The following RBM18 variants were observed in gnomAD, a reference collection of about 807,000 sequenced individuals.
RBM18 encodes the protein probable RNA-binding protein 18.
RBM18 carries 18 observed loss-of-function variants against 26.4 expected under a neutral mutation model. That is an observed-to-expected ratio of 0.68 (90% CI 0.47 to 1.01). The LOEUF (loss-of-function observed/expected upper bound fraction) is 1.01, where lower values mean the gene tolerates loss of function less well. Among genes scored for constraint, RBM18 ranks in the 50% least tolerant of loss-of-function variants. The pLI, the probability that RBM18 is intolerant of heterozygous loss-of-function variation, is 0.00. For synonymous variants in RBM18, 74 were observed against 81.1 expected, an observed-to-expected ratio of 0.91 and a Z score of 0.47; for missense variants, 180 against 219.2, an observed-to-expected ratio of 0.82 and a Z score of 1.13.
chr9:122,244,423 G>A (rs896704973), intron 5 of RBM18, among the ~76,000 whole-genome samples: 3 of 152,122 alleles, frequency 2.0e-5, no homozygotes, highest in Non-Finnish European at 4.4e-5. Context: ...CCCCTGCCCC[G>A]GAACAGGTTT....
At chr9:122,249,533 AC>A (rs1158969508) in intron 3 of RBM18, among the ~76,000 whole-genome samples, 1 of 151,046 alleles carries the variant, frequency 6.6e-6, no homozygotes, top group Non-Finnish European at 1.5e-5. Context: ...AACATGGCGA[AC>A]CCCCGCTTCT....
intron 3 of RBM18, among the ~76,000 whole-genome samples, chr9:122,250,725 G>A (rs1363212305): frequency 6.6e-6 from 1 of 152,046 alleles, no homozygotes; most frequent in Non-Finnish European, 1.5e-5. Flanking sequence ...ACTGTGTAAC[G>A]TGTTTATGTG....
intron 5 of RBM18, among the ~76,000 whole-genome samples, chr9:122,243,108 G>A (rs750872762): frequency 2.0e-5 from 3 of 152,036 alleles, no homozygotes; most frequent in Non-Finnish European, 2.9e-5. Flanking sequence ...GATTACAGGC[G>A]TGAGCTACCG....
intron 2 of RBM18, among the ~76,000 whole-genome samples, chr9:122,256,757 C>T (rs1179645148): frequency 6.6e-6 from 1 of 152,224 alleles, no homozygotes; most frequent in Non-Finnish European, 1.5e-5. Flanking sequence ...CTTCACTCTT[C>T]ATTTCCTATA....
intron 2 of RBM18, among the ~76,000 whole-genome samples, chr9:122,256,845 G>C (rs1392310395): frequency 6.6e-6 from 1 of 152,158 alleles, no homozygotes; most frequent in East Asian, 1.9e-4. Context: ...ATGCAGTCTA[G>C]AGCTAGAAGT....
chr9:122,260,213 G>A (rs1831766467), intron 2 of RBM18, among the ~76,000 whole-genome samples: 1 of 152,080 alleles, frequency 6.6e-6, no homozygotes, highest in African/African-American at 2.4e-5. Flanking sequence ...CAGCATGGTG[G>A]CGCATGCCTG....
Position 122,237,940 on chromosome 9 carries a change from CTTTT to C in RBM18, c.*3940_*3943del, listed in dbSNP as rs1226802442. On this transcript the variant is annotated 3_prime_UTR_variant, in exon 6 of 6. Transcript: ENST00000417201. ...CAATATAGTATATATATTTTGTTTA[CTTTT>C]TTTCTCAACCACTCGAAAATGAAAA... is the stretch of plus-strand genomic sequence containing the variant. 6.6e-6 allele frequency: 1 copy of C among 151,824 alleles called. No individual in the cohort carries two copies. Among genetic ancestry groups the C allele is most frequent in the African/African-American group, 2.4e-5 (1 of 41,270 alleles). The allele number at this position is 151,824 out of a possible 1,614,324, so 9.4% of individuals were successfully genotyped here.
At chr9:122,262,886 A>G (rs573872147) in intron 1 of RBM18, among the ~76,000 whole-genome samples, 17 of 152,308 alleles carry the variant, frequency 1.1e-4, no homozygotes, top group African/African-American at 3.6e-4. Context: ...TGCCCAGCAC[A>G]AACTGTGGCA....
chr9:122,261,764 T>C (rs956682615), intron 1 of RBM18, among the ~76,000 whole-genome samples: 8 of 152,250 alleles, frequency 5.3e-5, no homozygotes, highest in Admixed American at 3.9e-4. Flanking sequence ...TTTCCTCCTC[T>C]GAAGCCAGAG....
At chr9:122,250,307 A>G (rs1831579819) in intron 3 of RBM18, among the ~76,000 whole-genome samples, 1 of 152,192 alleles carries the variant, frequency 6.6e-6, no homozygotes, top group African/African-American at 2.4e-5. Flanking sequence ...AAAACTATGC[A>G]TGGACTTTGA....
chr9:122,250,737 G>A (rs1831587753), intron 3 of RBM18, among the ~76,000 whole-genome samples: 1 of 152,154 alleles, frequency 6.6e-6, no homozygotes, highest in South Asian at 2.1e-4. Flanking sequence ...GTTTATGTGT[G>A]TGTGAATGTG....
rs1213133158 is a variant in RBM18, at chr9:122,245,176, A to G, written c.413+80T>C. 10 of 827,942 alleles carry G rather than the reference A, an allele frequency of 1.2e-5. No homozygotes were observed. The East Asian group carries it at 2.5e-4, about 20-fold the overall frequency. The allele number at this position is 827,942 out of a possible 1,614,324, so 51.3% of individuals were successfully genotyped here. On this transcript the variant is annotated intron_variant, in intron 5 of 5. Coordinates refer to ENST00000417201, the MANE Select transcript of RBM18 (RefSeq NM_033117.4). ...AATTCTAAGAGTCTGAAGACTCACT[A>G]TTTTATGAACGAAGACATGGAATAA...
At chr9:122,246,422 T>C (rs1831506414) in intron 4 of RBM18, among the ~76,000 whole-genome samples, 1 of 152,218 alleles carries the variant, frequency 6.6e-6, no homozygotes, top group South Asian at 2.1e-4. Flanking sequence ...GATTTTCAAA[T>C]GAAAGACAGG....
intron 3 of RBM18, among the ~76,000 whole-genome samples, chr9:122,249,256 T>C (rs1588381043): frequency 1.3e-5 from 2 of 152,220 alleles, no homozygotes; most frequent in East Asian, 3.8e-4. Context: ...TATGTATTTT[T>C]AATCTCCATT....
Position 122,241,839 on chromosome 9 carries a change from G to C in RBM18, c.*45C>G. On this transcript the variant is annotated 3_prime_UTR_variant, in exon 6 of 6. Transcript: ENST00000417201. Reference sequence around the variant, plus strand: ...AAAGTACACAGGCAGACGATTTTAGGTGTGGAGACCAATTTGCTTTTGCTG... The same window carrying C: ...AAAGTACACAGGCAGACGATTTTAGCTGTGGAGACCAATTTGCTTTTGCTG... The C allele has an allele frequency of 5.7e-6, 9 of 1,576,616 alleles. No homozygotes were observed. The highest frequency in any genetic ancestry group is 7.8e-6 in the Non-Finnish European group (9 of 1,150,446).
intron 2 of RBM18, among the ~76,000 whole-genome samples, chr9:122,252,753 C>T (rs565468514): frequency 1.3e-5 from 2 of 152,342 alleles, no homozygotes; most frequent in East Asian, 1.9e-4. Flanking sequence ...GTAAAGAATA[C>T]AGATGGTCAA....
At chr9:122,247,254 G>T (rs1261771808) in intron 4 of RBM18, among the ~76,000 whole-genome samples, 1 of 152,046 alleles carries the variant, frequency 6.6e-6, no homozygotes, top group East Asian at 1.9e-4. Context: ...AATGACAGAG[G>T]TCTGAGCGTA....
intron 4 of RBM18, among the ~76,000 whole-genome samples, chr9:122,247,017 C>T (rs1465456081): frequency 6.6e-6 from 1 of 152,070 alleles, no homozygotes; most frequent in Non-Finnish European, 1.5e-5. Flanking sequence ...ACAATACAGA[C>T]ACTGCAAAGT....
chr9:122,247,388 C>T (rs1831521039), intron 4 of RBM18, 130 bp downstream of exon 4: 1 of 742,486 alleles, frequency 1.3e-6, no homozygotes, highest in Middle Eastern at 2.4e-4. Flanking sequence ...ATGGTAGATA[C>T]AAGTAGGAGA....
Sources: gnomAD v4.1 joint callset for allele counts (sites outside exome capture counted in the v4.1 genomes callset) on GRCh38, gnomAD v4.1.1 for gene constraint, MANE v1.5 for transcripts, NCBI Gene and HGNC (gene_info 2026-07-23, HGNC 2026-07-21) for gene names.